Variants in PCDH9 observed in about 807,000 individuals in gnomAD.
PCDH9 encodes the protein protocadherin 9.
PCDH9 carries 24 observed loss-of-function variants against 70.6 expected under a neutral mutation model. The observed-to-expected ratio is 0.34, with a 90% confidence interval of 0.25 to 0.48. PCDH9 has a LOEUF of 0.48. Ranked by LOEUF, PCDH9 falls within the 20% of genes least tolerant of loss-of-function variation. The pLI is 0.99. For synonymous variants in PCDH9, 562 were observed against 558.5 expected, an observed-to-expected ratio of 1.01 and a Z score of -0.09; for missense variants, 1,281 against 1,503.6, an observed-to-expected ratio of 0.85 and a Z score of 2.45.
chr13:66,310,685 T>C (rs1955545853), intron 4 of PCDH9, among the ~76,000 whole-genome samples: 1 of 152,008 alleles, frequency 6.6e-6, no homozygotes, highest in Non-Finnish European at 1.5e-5. Flanking sequence ...ATGAATAAAT[T>C]TTTCTTAGAA....
intron 2 of PCDH9, among the ~76,000 whole-genome samples, chr13:66,982,183 C>T (rs955687986): frequency 6.6e-6 from 1 of 152,220 alleles, no homozygotes; most frequent in Non-Finnish European, 1.5e-5. Context: ...TCGCCTTCCA[C>T]CGTGAGTAAA....
intron 3 of PCDH9, among the ~76,000 whole-genome samples, chr13:66,735,053 G>A (rs2079127462): frequency 6.6e-6 from 1 of 152,150 alleles, no homozygotes; most frequent in Admixed American, 6.5e-5. Context: ...TCAGTCACAT[G>A]AATATATATA....
rs117648192 is a variant in PCDH9 at position 67,152,282 on chromosome 13, T to G, written c.3036+73123A>C. On this transcript the variant is annotated intron_variant, in intron 2 of 4. Coordinates refer to ENST00000377865, the MANE Select transcript of PCDH9 (RefSeq NM_203487.3). Reference sequence around the variant, plus strand: ...TGGCAGCGCTCCATGCCTGATACAATTTAGTTCAAATTTATGAAATCCACT... The same window carrying G: ...TGGCAGCGCTCCATGCCTGATACAAGTTAGTTCAAATTTATGAAATCCACT... Among the ~76,000 whole-genome samples the G allele has an allele frequency of 3.9e-4, 59 of 152,316 alleles. 1 individual carries two copies. The East Asian group carries it at 9.1e-3, about 23-fold the overall frequency.
intron 3 of PCDH9, among the ~76,000 whole-genome samples, chr13:66,711,637 A>T (rs1033862): frequency 0.51 from 77,821 of 151,950 alleles, 20,029 homozygotes; most frequent in Middle Eastern, 0.56. Context: ...ACATTGGGTT[A>T]TCTTAGTAAT....
chr13:66,445,618 T>C (rs1030337895), intron 4 of PCDH9, among the ~76,000 whole-genome samples: 3 of 139,100 alleles, frequency 2.2e-5, no homozygotes, highest in Admixed American at 7.3e-5. Flanking sequence ...ATATTATATA[T>C]ACACATATAT....
At position 66,601,039 on chromosome 13, in the gene PCDH9, T is replaced by C. The variant is rs2077159732; in HGVS notation, c.3340+30171A>G. Among the ~76,000 whole-genome samples the C allele has an allele frequency of 1.4e-5, 2 of 145,352 alleles. 1 individual carries two copies. Among genetic ancestry groups the C allele is most frequent in the Non-Finnish European group, 3.1e-5 (2 of 64,622 alleles). On this transcript the variant is annotated intron_variant, in intron 4 of 4. Transcript: ENST00000377865. The stretch of plus-strand genomic sequence containing the variant: ...CAGGGGCACACCTGGGATTCATTTG[T>C]ACACTTCTATGAAGTCAGGCTATGA...
intron 2 of PCDH9, among the ~76,000 whole-genome samples, chr13:67,152,860 T>A (rs574209140): frequency 6.6e-6 from 1 of 152,300 alleles, no homozygotes; most frequent in African/African-American, 2.4e-5. Context: ...CTAGGAAGAA[T>A]AAATCTAGGA....
In PCDH9 at chr13:67,225,638, G is replaced by C; in HGVS notation, c.2803C>G (p.Leu935Val). Residue 935 changes from leucine to valine, a missense_variant, in exon 2 of 5, where the codon CTG (leucine) becomes GTG (valine). Leu to Val is a conservative substitution (Grantham distance 32, BLOSUM62 1). Coordinates refer to ENST00000377865, the MANE Select transcript of PCDH9 (RefSeq NM_203487.3). The part of the protein sequence containing the change: ...PTTFKPNSPD[L>V]AKHYKSASPQ... ...GAAGCAGATTTGTAGTGCTTGGCCA[G>C]GTCAGGACTGTTAGGCTTGAATGTT... 6.2e-7 allele frequency: 1 copy of C among 1,614,130 alleles called. No homozygotes were observed. Among genetic ancestry groups the C allele is most frequent in the South Asian group, 1.1e-5 (1 of 91,080 alleles).
chr13:66,763,684 G>A (rs2139256209), intron 3 of PCDH9, among the ~76,000 whole-genome samples: 1 of 152,226 alleles, frequency 6.6e-6, no homozygotes, highest in Admixed American at 6.5e-5. Flanking sequence ...AAGTCATGTG[G>A]AAGACAGTCA....
intron 2 of PCDH9, among the ~76,000 whole-genome samples, chr13:67,028,414 G>A (rs1217878730): frequency 9.2e-6 from 1 of 108,886 alleles, no homozygotes; most frequent in Non-Finnish European, 1.7e-5. Context: ...TCTGGGAACT[G>A]CTGTGGGGTG....
intron 2 of PCDH9, chr13:67,224,380 T>C (rs2089800242): frequency 6.6e-6 from 1 of 152,160 alleles, no homozygotes; most frequent in African/African-American, 2.4e-5. Context: ...CCCTTCTCCT[T>C]GCTACTGCGG....
At chr13:66,970,238 G>C (rs549479356) in intron 2 of PCDH9, among the ~76,000 whole-genome samples, 1 of 151,976 alleles carries the variant, frequency 6.6e-6, no homozygotes, top group Non-Finnish European at 1.5e-5. Flanking sequence ...CACTGCAGAA[G>C]AACCTAAAAA....
chr13:66,966,434 A>G (rs2083435805), intron 2 of PCDH9, among the ~76,000 whole-genome samples: 2 of 152,140 alleles, frequency 1.3e-5, no homozygotes, highest in African/African-American at 4.8e-5. Context: ...ATTCTTCAGC[A>G]TGCTACTCTG....
chr13:66,472,149 T>A (rs1329498218), intron 4 of PCDH9, among the ~76,000 whole-genome samples: 1 of 146,942 alleles, frequency 6.8e-6, no homozygotes, highest in Non-Finnish European at 1.5e-5. Context: ...CAGGCAGAGG[T>A]TACAGTGAGC....
intron 2 of PCDH9, among the ~76,000 whole-genome samples, chr13:67,135,308 AG>A (rs1566446747): frequency 6.6e-6 from 1 of 152,038 alleles, no homozygotes; most frequent in Non-Finnish European, 1.5e-5. Context: ...GGTCCTGGGG[AG>A]ATGTCATAGT....
chr13:66,818,921 T>G (rs951318634), intron 3 of PCDH9, among the ~76,000 whole-genome samples: 2 of 146,986 alleles, frequency 1.4e-5, no homozygotes, highest in African/African-American at 2.5e-5. Context: ...GTGAAAGAGC[T>G]AGACTCCCGT....
At chr13:66,350,459 A>G (rs1230480447) in intron 4 of PCDH9, among the ~76,000 whole-genome samples, 2 of 152,134 alleles carry the variant, frequency 1.3e-5, no homozygotes, top group Non-Finnish European at 2.9e-5. Context: ...ACTACTAGGT[A>G]CTGGAGTCTT....
intron 2 of PCDH9, among the ~76,000 whole-genome samples, chr13:67,064,891 A>ATAGATAG (rs1491329996): frequency 2.7e-4 from 40 of 148,966 alleles, no homozygotes; most frequent in African/African-American, 9.4e-4. Flanking sequence ...CCTGTGTGGA[A>ATAGATAG]ATAGATAGAT....
At chr13:66,411,569 C>T (rs945835310) in intron 4 of PCDH9, among the ~76,000 whole-genome samples, 3 of 151,958 alleles carry the variant, frequency 2.0e-5, no homozygotes, top group African/African-American at 4.8e-5. Context: ...ATTAAATTAT[C>T]TCACCCAGCC....
Sources: gnomAD v4.1 joint callset for allele counts (sites outside exome capture counted in the v4.1 genomes callset) on GRCh38, gnomAD v4.1.1 for gene constraint, MANE v1.5 for transcripts, NCBI Gene and HGNC (gene_info 2026-07-23, HGNC 2026-07-21) for gene names.